The following CAMK2D variants were observed in gnomAD, a reference collection of about 807,000 sequenced individuals.
CAMK2D encodes the protein calcium/calmodulin dependent protein kinase II delta, also known as calcium/calmodulin-dependent protein kinase type II subunit delta.
A neutral mutation model predicts 84.0 loss-of-function variants in CAMK2D; 37 were observed. The observed-to-expected ratio is 0.44, with a 90% CI of 0.34 to 0.58. CAMK2D has a LOEUF of 0.58. Ranked by LOEUF, CAMK2D falls within the 20% of genes least tolerant of loss-of-function variation. CAMK2D has a pLI of 0.02. For missense variants in CAMK2D, 448 were observed against 652.5 expected (o/e 0.69, Z 3.41); for synonymous variants, 202 against 212.5 (o/e 0.95, Z 0.43).
intron 2 of CAMK2D, among the ~76,000 whole-genome samples, chr4:113,735,714 CAGTA>C (rs945037645): frequency 6.6e-5 from 10 of 151,996 alleles, no homozygotes; most frequent in African/African-American, 2.4e-4. Context: ...TTGTAAGAAA[CAGTA>C]AGGTGGCTCA....
intron 2 of CAMK2D, among the ~76,000 whole-genome samples, chr4:113,737,342 A>G (rs1459967094): frequency 7.9e-5 from 12 of 152,204 alleles, no homozygotes; most frequent in Non-Finnish European, 1.5e-4. Context: ...ACACACTACA[A>G]TATGAAAAAA....
Position 113,453,745 on chromosome 4 carries a change from G to C in CAMK2D, c.*800C>G, listed in dbSNP as rs543163390. 6 of 152,386 alleles carry C rather than the reference G, an allele frequency of 3.9e-5. No individual in the cohort carries two copies. In the East Asian group the frequency reaches 1.2e-3, roughly 29 times the overall value. 9.4% of individuals were successfully genotyped at this position (152,386 alleles called of 1,614,324 possible). A position where few individuals can be genotyped will look rare whatever the true frequency, so the allele number is the denominator to read the frequency against. On this transcript the variant is annotated 3_prime_UTR_variant, in exon 21 of 21. Transcript: ENST00000511664. ...AAAGAATGGAACAAAAGAAAAATAA[G>C]AAAGCAAACGAAAGGAACAAAGAAA...
intron 16 of CAMK2D, among the ~76,000 whole-genome samples, chr4:113,496,043 GCATTGCGGCATACAGCGA>G (rs1255576908): frequency 5.9e-5 from 9 of 152,142 alleles, no homozygotes; most frequent in Non-Finnish European, 8.8e-5. Flanking sequence ...AGGCGGAGAG[GCATTGCGGCATACAGCGA>G]CAGGTCCTGC....
In CAMK2D at chr4:113,709,746, GATATATATATAT is replaced by G. The variant is rs397995032; in HGVS notation, c.161-47986_161-47975del. Among the ~76,000 whole-genome samples the G allele has an allele frequency of 3.7e-3, 182 of 49,806 alleles. 19 individuals are homozygous for G. The highest frequency in any genetic ancestry group is 0.017 in the African/African-American group (150 of 8,928). 32.7% of individuals were successfully genotyped at this position (49,806 alleles called of 152,430 possible). ...GAGTGAAAAGCTAAAAGCCGTGAAC[GATATATATATAT>G]ATATATATATATATATATATATATG... On this transcript the variant is annotated intron_variant, in intron 2 of 20. Coordinates refer to ENST00000511664, the MANE Select transcript of CAMK2D (RefSeq NM_001321571.2).
chr4:113,703,137 GA>G (rs1383556095), intron 2 of CAMK2D, among the ~76,000 whole-genome samples: 1 of 152,112 alleles, frequency 6.6e-6, no homozygotes, highest in Admixed American at 6.6e-5. Flanking sequence ...TAGCTGTTGA[GA>G]ATACAGATTG....
intron 17 of CAMK2D, among the ~76,000 whole-genome samples, chr4:113,461,616 G>A (rs1254220356): frequency 6.6e-6 from 1 of 152,162 alleles, no homozygotes; most frequent in East Asian, 1.9e-4. Flanking sequence ...GGTGATCAGG[G>A]TAGGCTTCTC....
At chr4:113,572,648 T>C (rs778946546) in intron 4 of CAMK2D, among the ~76,000 whole-genome samples, 18 of 152,002 alleles carry the variant, frequency 1.2e-4, no homozygotes, top group African/African-American at 3.4e-4. Flanking sequence ...GCTGGGGAGA[T>C]TGGGGAGAAA....
intron 2 of CAMK2D, among the ~76,000 whole-genome samples, chr4:113,703,777 G>A (rs2099430084): frequency 6.6e-6 from 1 of 152,098 alleles, no homozygotes; most frequent in Non-Finnish European, 1.5e-5. Flanking sequence ...GATGCAACAG[G>A]AATAACACTA....
intron 8 of CAMK2D, among the ~76,000 whole-genome samples, chr4:113,522,942 C>A (rs1008328834): frequency 1.3e-5 from 2 of 151,986 alleles, no homozygotes; most frequent in Non-Finnish European, 2.9e-5. Flanking sequence ...TGTGGTGGGG[C>A]CTTTGGGAGA....
intron 16 of CAMK2D, among the ~76,000 whole-genome samples, chr4:113,480,713 T>A (rs770092257): frequency 2.0e-5 from 3 of 152,056 alleles, no homozygotes; most frequent in Non-Finnish European, 4.4e-5. Context: ...CGGTGGCGGG[T>A]GCCTGTAATC....
At chr4:113,675,754 C>A (rs2099315777) in intron 2 of CAMK2D, among the ~76,000 whole-genome samples, 1 of 152,154 alleles carries the variant, frequency 6.6e-6, no homozygotes, top group Non-Finnish European at 1.5e-5. Flanking sequence ...TGCACATGTG[C>A]ATAAAATTAA....
At chr4:113,663,718 AT>A in intron 2 of CAMK2D, among the ~76,000 whole-genome samples, 1 of 151,100 alleles carries the variant, frequency 6.6e-6, no homozygotes, top group African/African-American at 2.4e-5. Context: ...ATTTTTTTAT[AT>A]ATATAAATCA....
rs549281447 is a variant in CAMK2D at position 113,702,465 on chromosome 4, T to C, written c.161-40693A>G. Among the ~76,000 whole-genome samples, 8 of 152,214 alleles carry C rather than the reference T, an allele frequency of 5.3e-5. No homozygotes were observed. The East Asian group carries it at 9.6e-4, about 18-fold the overall frequency. On this transcript the variant is annotated intron_variant, in intron 2 of 20. Coordinates refer to ENST00000511664, the MANE Select transcript of CAMK2D (RefSeq NM_001321571.2). ...CAACTTTTGCTTAAGAATAGCACTA[T>C]TGAATGGAAATTTAATGCAAGCCAC...
At chr4:113,733,524 T>C (rs1409083654) in intron 2 of CAMK2D, among the ~76,000 whole-genome samples, 2 of 152,188 alleles carry the variant, frequency 1.3e-5, no homozygotes, top group Non-Finnish European at 2.9e-5. Context: ...GAGTTAAATA[T>C]CCTCAAACAA....
chr4:113,604,644 T>C (rs1222181466), intron 4 of CAMK2D, among the ~76,000 whole-genome samples: 1 of 152,230 alleles, frequency 6.6e-6, no homozygotes, highest in African/African-American at 2.4e-5. Context: ...TTTTACCTTC[T>C]TCACTTTGGT....
At chr4:113,642,444 C>T (rs1395493023) in intron 3 of CAMK2D, among the ~76,000 whole-genome samples, 5 of 152,200 alleles carry the variant, frequency 3.3e-5, no homozygotes, top group Non-Finnish European at 5.9e-5. Context: ...CATATCTGAA[C>T]ACTACCAGAA....
rs1298341709 is a variant in CAMK2D at position 113,709,746 on chromosome 4, G to GATATATACATATATATATATATATAT, written c.161-47975_161-47974insATATATATATATATATATGTATATAT. Among the ~76,000 whole-genome samples, 24 of 49,804 alleles carry GATATATACATATATATATATATATAT rather than the reference G, an allele frequency of 4.8e-4. 2 individuals carry two copies. The highest frequency in any genetic ancestry group is 2.7e-3 in the African/African-American group (24 of 8,926). The allele number at this position is 49,804 out of a possible 152,430, so 32.7% of individuals were successfully genotyped here. A position where few individuals can be genotyped will look rare whatever the true frequency, so the allele number is the denominator to read the frequency against. On this transcript the variant is annotated intron_variant, in intron 2 of 20. Coordinates refer to ENST00000511664, the MANE Select transcript of CAMK2D (RefSeq NM_001321571.2). ...GAGTGAAAAGCTAAAAGCCGTGAACGATATATATATATATATATATATATA... is the reference window on the plus strand; with the variant it reads ...GAGTGAAAAGCTAAAAGCCGTGAACGATATATACATATATATATATATATATATATATATATATATATATATATATA...
intron 16 of CAMK2D, among the ~76,000 whole-genome samples, chr4:113,478,048 T>A (rs72903994): frequency 6.6e-6 from 1 of 152,086 alleles, no homozygotes; most frequent in Admixed American, 6.5e-5. Flanking sequence ...TATTCCACAC[T>A]TAGGAAATCT....
intron 2 of CAMK2D, among the ~76,000 whole-genome samples, chr4:113,734,926 A>G (rs978135891): frequency 6.6e-6 from 1 of 151,624 alleles, no homozygotes; most frequent in Non-Finnish European, 1.5e-5. Flanking sequence ...AGAAAAATCA[A>G]CCCAAATGAT....
Sources: gnomAD v4.1 joint callset for allele counts (sites outside exome capture counted in the v4.1 genomes callset) on GRCh38, gnomAD v4.1.1 for gene constraint, MANE v1.5 for transcripts, NCBI Gene and HGNC (gene_info 2026-07-23, HGNC 2026-07-21) for gene names.